GALNT18: variants seen among roughly 807,000 people sequenced by gnomAD.
GALNT18 encodes GalNAc-transferase 18.
A neutral mutation model predicts 69.5 loss-of-function variants in GALNT18; 44 were observed. The observed-to-expected ratio is 0.63, with a 90% CI of 0.50 to 0.81. The LOEUF (loss-of-function observed/expected upper bound fraction) is 0.81. Ranked by LOEUF, GALNT18 falls within the 40% of genes least tolerant of loss-of-function variation. GALNT18 has a pLI of 0.00. For missense variants in GALNT18, 715 were observed against 810.0 expected (o/e 0.88, Z 1.42); for synonymous variants, 364 against 318.2 (o/e 1.14, Z -1.53).
chr11:11,606,229 C>T lies in GALNT18; in HGVS notation c.235+15130G>A, dbSNP rs1216569336. Among the ~76,000 whole-genome samples, 1 of 152,128 alleles carries T rather than the reference C, an allele frequency of 6.6e-6. No homozygotes were observed. The highest frequency in any genetic ancestry group is 1.5e-5 in the Non-Finnish European group (1 of 68,020). ...TTTACTCAGCAAACTCCTACCTAGC[C>T]CCTACTGTATACCTGGCACTGTGTG... On this transcript the variant is annotated intron_variant, in intron 1 of 10. Transcript: ENST00000227756. The surrounding 1 kb of genome is among the most constrained non-coding windows in gnomAD (Gnocchi z 5.4).
At chr11:11,427,845 T>C (rs964681349) in intron 3 of GALNT18, among the ~76,000 whole-genome samples, 2 of 152,182 alleles carry the variant, frequency 1.3e-5, no homozygotes, top group Middle Eastern at 3.2e-3. Flanking sequence ...TTCACTCCGA[T>C]TCCCCCACCT....
chr11:11,517,107 C>A (rs963671183), intron 1 of GALNT18, among the ~76,000 whole-genome samples: 1 of 152,196 alleles, frequency 6.6e-6, no homozygotes, highest in Non-Finnish European at 1.5e-5. Context: ...AGGAAGAGGA[C>A]CCTCACCAGA....
intron 1 of GALNT18, among the ~76,000 whole-genome samples, chr11:11,488,018 G>A (rs1307699878): frequency 6.6e-6 from 1 of 152,200 alleles, no homozygotes; most frequent in African/African-American, 2.4e-5. Context: ...ATGGGTCCTA[G>A]GTCCAAGCCT....
chr11:11,288,494 C>T (rs1411737110), intron 10 of GALNT18, among the ~76,000 whole-genome samples: 3 of 152,216 alleles, frequency 2.0e-5, no homozygotes, highest in Non-Finnish European at 4.4e-5. Context: ...TTTCTGTTCT[C>T]ATCATTCGGT....
chr11:11,472,760 T>C (rs185456420), intron 1 of GALNT18, among the ~76,000 whole-genome samples: 1 of 152,278 alleles, frequency 6.6e-6, no homozygotes, highest in Admixed American at 6.5e-5. Context: ...ATTTTCAGAA[T>C]AAACCATGGG....
intron 10 of GALNT18, among the ~76,000 whole-genome samples, chr11:11,284,857 C>T: frequency 8.4e-6 from 1 of 118,968 alleles, no homozygotes; most frequent in African/African-American, 3.3e-5. Context: ...GTTAAGTGGT[C>T]TTTTTGTATT....
At chr11:11,336,374 C>T (rs555952331) in intron 7 of GALNT18, among the ~76,000 whole-genome samples, 16 of 152,258 alleles carry the variant, frequency 1.1e-4, no homozygotes, top group Admixed American at 2.6e-4. Context: ...TAGAAGGCAA[C>T]AAGCAGAGGA....
At chr11:11,490,268 C>CAT (rs1856740474) in intron 1 of GALNT18, among the ~76,000 whole-genome samples, 1 of 150,146 alleles carries the variant, frequency 6.7e-6, no homozygotes, top group Non-Finnish European at 1.5e-5. Flanking sequence ...CACACACACA[C>CAT]ACTCCTTCCA....
chr11:11,521,691 T>C (rs1440365966), intron 1 of GALNT18, among the ~76,000 whole-genome samples: 2 of 152,144 alleles, frequency 1.3e-5, no homozygotes, highest in Admixed American at 6.5e-5. Flanking sequence ...AGCCACCTTC[T>C]TCCTAAACAT....
In GALNT18 at chr11:11,444,981, T is replaced by A. The variant is rs959228573; in HGVS notation, c.428+3763A>T. Among the ~76,000 whole-genome samples, 1 of 152,210 alleles carries A rather than the reference T, an allele frequency of 6.6e-6. No individual in the cohort carries two copies. Among genetic ancestry groups the A allele is most frequent in the African/African-American group, 2.4e-5 (1 of 41,458 alleles). ...CATCCTCTCAGTCCAAATCCCAACATTAGCCAGAGCCCAGGCATCATTCTG... is the reference window on the plus strand; with the variant it reads ...CATCCTCTCAGTCCAAATCCCAACAATAGCCAGAGCCCAGGCATCATTCTG... On this transcript the variant is annotated intron_variant, in intron 2 of 10. Transcript: ENST00000227756. The surrounding 1 kb of genome is among the most constrained non-coding windows in gnomAD (Gnocchi z 4.4).
chr11:11,378,595 G>T (rs1473801456), intron 4 of GALNT18, among the ~76,000 whole-genome samples: 1 of 152,188 alleles, frequency 6.6e-6, no homozygotes. Flanking sequence ...GAGATTACGT[G>T]CTACCTCCAA....
intron 1 of GALNT18, among the ~76,000 whole-genome samples, chr11:11,510,624 C>A (rs551494243): frequency 1.2e-3 from 186 of 152,350 alleles, no homozygotes; most frequent in Admixed American, 3.5e-3. Context: ...TGGGTCTAAC[C>A]TGGGGCTCAG....
chr11:11,484,551 C>G (rs1377744371), intron 1 of GALNT18, among the ~76,000 whole-genome samples: 1 of 145,468 alleles, frequency 6.9e-6, no homozygotes, highest in African/African-American at 2.6e-5. Context: ...CGAGATCACG[C>G]CATTGCACTC....
rs1490331492 is a variant in GALNT18 at position 11,538,496 on chromosome 11, C to T, written c.235+82863G>A. Among the ~76,000 whole-genome samples the T allele has an allele frequency of 1.3e-5, 2 of 152,216 alleles. No individual in the cohort carries two copies. Among genetic ancestry groups the T allele is most frequent in the Admixed American group, 6.5e-5 (1 of 15,280 alleles). On this transcript the variant is annotated intron_variant, in intron 1 of 10. Transcript: ENST00000227756. The surrounding 1 kb of genome is among the most constrained non-coding windows in gnomAD (Gnocchi z 5.2). Reference sequence around the variant, plus strand: ...CTGCAGGGTGGGAGAGACCAGCATACCACAAGCACCCTGTGGCCTCAGCAA... The same window carrying T: ...CTGCAGGGTGGGAGAGACCAGCATATCACAAGCACCCTGTGGCCTCAGCAA...
Position 11,314,901 on chromosome 11 carries a change from AC to A in GALNT18, c.1512+12184del, listed in dbSNP as rs1158178299. ...ATGTTCTAGGACTTATGGCCTACAC[AC>A]TCAACTATTGGTGGTGGGGCCTAGG... On this transcript the variant is annotated intron_variant, in intron 9 of 10. Coordinates refer to ENST00000227756, the MANE Select transcript of GALNT18 (RefSeq NM_198516.3). This position sits in a 1 kb window ranked among gnomAD's most constrained non-coding sequence, Gnocchi z 5.2. Among the ~76,000 whole-genome samples, 1 of 152,106 alleles carries A rather than the reference AC, an allele frequency of 6.6e-6. No individual in the cohort carries two copies. The highest frequency in any genetic ancestry group is 1.5e-5 in the Non-Finnish European group (1 of 68,018).
intron 6 of GALNT18, among the ~76,000 whole-genome samples, chr11:11,366,751 T>C (rs1346829718): frequency 6.6e-6 from 1 of 152,146 alleles, no homozygotes; most frequent in African/African-American, 2.4e-5. Context: ...GACTTTGTAA[T>C]TTGTGAAGTA....
At chr11:11,281,137 G>A (rs1448301363) in intron 10 of GALNT18, among the ~76,000 whole-genome samples, 3 of 152,200 alleles carry the variant, frequency 2.0e-5, no homozygotes, top group Non-Finnish European at 4.4e-5. Flanking sequence ...GCAGGCAGGG[G>A]ACCAAAACCA....
chr11:11,603,680 T>A lies in GALNT18; in HGVS notation c.235+17679A>T, dbSNP rs1859684617. Among the ~76,000 whole-genome samples the A allele has an allele frequency of 6.6e-6, 1 of 152,232 alleles. No homozygotes were observed. The highest frequency in any genetic ancestry group is 2.1e-4 in the South Asian group (1 of 4,830). ...CTCATTTTCTCTCCCTAAAAAGATC[T>A]ATGGATTTTATTGGATCCAGTGTTA... On this transcript the variant is annotated intron_variant, in intron 1 of 10. Transcript: ENST00000227756. This position sits in a 1 kb window ranked among gnomAD's most constrained non-coding sequence, Gnocchi z 4.5.
At chr11:11,594,933 AT>A (rs1859461460) in intron 1 of GALNT18, among the ~76,000 whole-genome samples, 1 of 148,788 alleles carries the variant, frequency 6.7e-6, no homozygotes, top group Non-Finnish European at 1.5e-5. Context: ...GTATATATAT[AT>A]ATAATCTCCA....
Sources: allele counts gnomAD v4.1 joint callset (sites outside exome capture counted in the v4.1 genomes callset), GRCh38; gene constraint gnomAD v4.1.1; non-coding constraint Gnocchi (gnomAD v3.1); transcripts MANE v1.5; gene names NCBI Gene and HGNC (gene_info 2026-07-23, HGNC 2026-07-21).